CREB3L1: variants seen among roughly 807,000 people sequenced by gnomAD.
The protein encoded by CREB3L1 is cyclic AMP-responsive element-binding protein 3-like protein 1.
Under a neutral mutation model 54.5 loss-of-function variants are expected in CREB3L1, and 33 were observed. The ratio of observed to expected loss-of-function variants is 0.61; its 90% CI spans 0.46 to 0.81. CREB3L1 has a LOEUF of 0.81. Among genes scored for constraint, CREB3L1 ranks in the 30% least tolerant of loss-of-function variants. The pLI is 0.00. For synonymous variants in CREB3L1, 284 were observed against 286.4 expected, an observed-to-expected ratio of 0.99 and a Z score of 0.08; for missense variants, 656 against 673.3, an observed-to-expected ratio of 0.97 and a Z score of 0.29.
chr11:46,289,426 T>C (rs1290034993), intron 1 of CREB3L1, among the ~76,000 whole-genome samples: 2 of 152,018 alleles, frequency 1.3e-5, no homozygotes, highest in East Asian at 3.9e-4. Context: ...GAAAGAAGGG[T>C]AACGTTTAGA....
chr11:46,311,062 C>A lies in CREB3L1; in HGVS notation c.626C>A (p.Pro209His). The change falls in exon 5 of 12, where the codon CCC becomes CAC. Residue 209 changes from proline to histidine, a missense_variant. Coordinates refer to ENST00000621158, the MANE Select transcript of CREB3L1 (RefSeq NM_052854.4). ...CTGGTGCAGATGCCTCCGACGCCCC[C>A]CAGCAGCCATGGCAGTGACAGCGAC... ...EDLVQMPPTP[P>H]SSHGSDSDGS... The A allele has an allele frequency of 6.2e-7, 1 of 1,609,096 alleles. No homozygotes were observed. The highest frequency in any genetic ancestry group is 8.5e-7 in the Non-Finnish European group (1 of 1,177,928).
At chr11:46,314,228 ACTCTGTCTC>A in intron 8 of CREB3L1, among the ~76,000 whole-genome samples, 1 of 146,570 alleles carries the variant, frequency 6.8e-6, no homozygotes. Context: ...GCAGAGTGAG[ACTCTGTCTC>A]AAAAAAAAAA....
At chr11:46,289,657 G>A (rs1367203286) in intron 1 of CREB3L1, among the ~76,000 whole-genome samples, 1 of 152,172 alleles carries the variant, frequency 6.6e-6, no homozygotes, top group African/African-American at 2.4e-5. Flanking sequence ...CAGGCACCAG[G>A]AGAGGTATAA....
intron 7 of CREB3L1, 42 bp from the exon 8 acceptor site, chr11:46,312,809 C>G (rs1455730239): frequency 6.4e-7 from 1 of 1,562,380 alleles, no homozygotes; most frequent in African/African-American, 1.4e-5. Flanking sequence ...TGTTGTGAGT[C>G]TGGGGGCTGC....
At chr11:46,291,490 G>C (rs1296480220) in intron 1 of CREB3L1, among the ~76,000 whole-genome samples, 2 of 152,206 alleles carry the variant, frequency 1.3e-5, no homozygotes, top group Admixed American at 6.5e-5. Context: ...ACCAGGATTA[G>C]AACCAGGTCC....
intron 1 of CREB3L1, among the ~76,000 whole-genome samples, chr11:46,283,234 A>G (rs1939005713): frequency 6.6e-6 from 1 of 152,262 alleles, no homozygotes; most frequent in Admixed American, 6.5e-5. Context: ...AAATTTTCCA[A>G]TTACATAAAA....
intron 1 of CREB3L1, among the ~76,000 whole-genome samples, chr11:46,284,764 A>G (rs1939032972): frequency 1.3e-5 from 2 of 152,150 alleles, no homozygotes; most frequent in Non-Finnish European, 2.9e-5. Flanking sequence ...CAGGAGTCCT[A>G]TGGAGAGTCA....
At position 46,321,126 on chromosome 11, in the gene CREB3L1, G is replaced by T; in HGVS notation, c.*380G>T. The T allele has an allele frequency of 4.5e-6, 2 of 440,794 alleles. No individual in the cohort carries two copies. Among genetic ancestry groups the T allele is most frequent in the Non-Finnish European group, 8.4e-6 (2 of 236,988 alleles). 27.3% of individuals were successfully genotyped at this position (440,794 alleles called of 1,614,324 possible). ...CCCCACTGTACAGAGACCAAGAACA[G>T]AAATTGTTTGTAAATAATGAACCTT... is the stretch of plus-strand genomic sequence containing the variant. On this transcript the variant is annotated 3_prime_UTR_variant, in exon 12 of 12. Coordinates refer to ENST00000621158, the MANE Select transcript of CREB3L1 (RefSeq NM_052854.4).
rs1452624957 is a variant in CREB3L1 at position 46,316,170 on chromosome 11, T to C, written c.1032-116T>C. ...AGGAGGTGACCTTTCCTATCTTGACTGAAACGGGCACCTGGCGTGGAGGCC... is the reference window on the plus strand; with the variant it reads ...AGGAGGTGACCTTTCCTATCTTGACCGAAACGGGCACCTGGCGTGGAGGCC... On this transcript the variant is annotated intron_variant, in intron 8 of 11. Transcript: ENST00000621158. The C allele has an allele frequency of 6.1e-6, 4 of 659,880 alleles. No individual in the cohort carries two copies. The Admixed American group carries it at 1.1e-4, about 18-fold the overall frequency. The allele number at this position is 659,880 out of a possible 1,614,324, so 40.9% of individuals were successfully genotyped here.
At chr11:46,315,715 A>T (rs982677358) in intron 8 of CREB3L1, 5 of 174,418 alleles carry the variant, frequency 2.9e-5, no homozygotes, top group Non-Finnish European at 3.7e-5. Flanking sequence ...TCAGCTAGTC[A>T]GGAGGCTAAG....
intron 1 of CREB3L1, among the ~76,000 whole-genome samples, chr11:46,293,992 A>G (rs952840295): frequency 6.6e-6 from 1 of 152,150 alleles, no homozygotes; most frequent in African/African-American, 2.4e-5. Context: ...TATGTGTGAT[A>G]GCGCCTGTAC....
intron 3 of CREB3L1, among the ~76,000 whole-genome samples, chr11:46,308,313 A>G (rs765352863): frequency 3.9e-5 from 6 of 152,224 alleles, no homozygotes; most frequent in Non-Finnish European, 5.9e-5. Context: ...TCAGAGGTGG[A>G]GACAGCCCAG....
At chr11:46,279,189 C>A (rs1938931438) in intron 1 of CREB3L1, among the ~76,000 whole-genome samples, 1 of 152,144 alleles carries the variant, frequency 6.6e-6, no homozygotes, top group Admixed American at 6.5e-5. Flanking sequence ...CACACACACA[C>A]CCTGTGATCA....
intron 1 of CREB3L1, among the ~76,000 whole-genome samples, chr11:46,290,419 T>A (rs1939113095): frequency 6.6e-6 from 1 of 152,098 alleles, no homozygotes; most frequent in East Asian, 1.9e-4. Context: ...ACCCATTGGC[T>A]GGGACAAGAT....
At chr11:46,308,048 G>A in intron 3 of CREB3L1, 48 bp downstream of exon 3, 1 of 1,432,450 alleles carries the variant, frequency 7.0e-7, no homozygotes, top group South Asian at 1.4e-5. Flanking sequence ...AGGAGGGCTG[G>A]TGGGTCTGTG....
At chr11:46,304,626 G>A (rs868448243) in intron 2 of CREB3L1, among the ~76,000 whole-genome samples, 3 of 150,782 alleles carry the variant, frequency 2.0e-5, no homozygotes, top group South Asian at 2.1e-4. Context: ...AGGGACATCC[G>A]CCCCTCTTAG....
rs866323592 is a variant in CREB3L1 at position 46,319,794 on chromosome 11, G to A, written c.1259-470G>A. On this transcript the variant is annotated intron_variant, in intron 10 of 11. Transcript: ENST00000621158. ...CTCGGGAGGCTGAGGCAGGAGAGTC[G>A]CTTGAGCTCGGGAGGCGGAGATTGC... Among the ~76,000 whole-genome samples, 35 of 151,854 alleles carry A rather than the reference G, an allele frequency of 2.3e-4. No individual in the cohort carries two copies. In the East Asian group the frequency reaches 2.7e-3, roughly 12 times the overall value.
intron 4 of CREB3L1, 123 bp downstream of exon 4, chr11:46,310,190 A>C (rs1590349397): frequency 1.5e-6 from 1 of 672,516 alleles, no homozygotes. Flanking sequence ...TATCCTCTCC[A>C]CCCTGCCCTA....
chr11:46,298,095 G>T (rs941658226), intron 1 of CREB3L1, among the ~76,000 whole-genome samples: 1 of 152,150 alleles, frequency 6.6e-6, no homozygotes, highest in African/African-American at 2.4e-5. Context: ...GTGGAGCTAG[G>T]AGTCAAAAGC....
Sources: allele counts gnomAD v4.1 joint callset (sites outside exome capture counted in the v4.1 genomes callset), GRCh38; gene constraint gnomAD v4.1.1; transcripts MANE v1.5; gene names NCBI Gene and HGNC (gene_info 2026-07-23, HGNC 2026-07-21).